Variants in URB1 observed in about 807,000 individuals in gnomAD.
URB1 encodes URB1 ribosome biogenesis factor.
URB1 carries 197 observed loss-of-function variants against 242.3 expected under a neutral mutation model. That is an observed-to-expected ratio of 0.81 (90% CI 0.72 to 0.91). The LOEUF is 0.91. URB1 is among the 40% of genes least tolerant of loss of function. The pLI, the probability that URB1 is intolerant of heterozygous loss-of-function variation, is 0.00. For synonymous variants in URB1, 1,153 were observed against 1,201.8 expected (o/e 0.96, Z 0.84); for missense variants, 2,721 against 2,860.5 (o/e 0.95, Z 1.11).
chr21:32,385,764 CCCT>C, intron 1 of URB1, 80 bp from the exon 2 acceptor site: 3 of 1,515,098 alleles, frequency 2.0e-6, no homozygotes, highest in Non-Finnish European at 2.7e-6. Context: ...AACCTGCTTT[CCCT>C]ATTCTGTGAC....
rs766888968 is a variant in URB1 at position 32,372,622 on chromosome 21, C to T, written c.886G>A (p.Glu296Lys). The change falls in exon 8 of 39, where the codon GAA becomes AAA. Residue 296 changes from glutamate (E) to lysine (K), a missense_variant. Transcript: ENST00000382751. ...VNPENVKVSA[E>K]EAGKTMVREL... The stretch of plus-strand genomic sequence containing the variant: ...CGCACCATGGTTTTCCCTGCTTCTT[C>T]GGCAGAAACCTATGAAGATTTTTTA... 46 of 1,549,218 alleles carry T rather than the reference C, an allele frequency of 3.0e-5. No individual in the cohort carries two copies. The highest frequency in any genetic ancestry group is 1.7e-4 in the Middle Eastern group (1 of 5,986).
Position 32,361,869 on chromosome 21 carries a change from C to A in URB1, c.1639+23G>T, listed in dbSNP as rs185063355. ...CTGTCCCATGCAAAAGGCAGAGGGTCCCCCTCACCCCTGAGACCTTACCGC... is the reference window on the plus strand; with the variant it reads ...CTGTCCCATGCAAAAGGCAGAGGGTACCCCTCACCCCTGAGACCTTACCGC... On this transcript the variant is annotated intron_variant, in intron 12 of 38. Coordinates refer to ENST00000382751, the MANE Select transcript of URB1 (RefSeq NM_014825.3). 21 of 1,548,652 alleles carry A rather than the reference C, an allele frequency of 1.4e-5. No homozygotes were observed. In the African/African-American group the frequency reaches 2.3e-4, roughly 17 times the overall value.
intron 11 of URB1, 36 bp from the exon 12 acceptor site, chr21:32,362,057 T>C (rs1255819969): frequency 1.3e-6 from 2 of 1,547,736 alleles, no homozygotes; most frequent in Non-Finnish European, 1.7e-6. Context: ...TTAGTTGTAG[T>C]CAACCACAAA....
chr21:32,346,737 T>C (rs1046380280), intron 22 of URB1, among the ~76,000 whole-genome samples: 15 of 152,072 alleles, frequency 9.9e-5, no homozygotes, highest in African/African-American at 3.6e-4. Flanking sequence ...TGGGGCACAA[T>C]GGGCTGTGCC....
chr21:32,388,562 C>T (rs148561389), intron 1 of URB1, among the ~76,000 whole-genome samples: 2 of 152,192 alleles, frequency 1.3e-5, no homozygotes, highest in African/African-American at 2.4e-5. Context: ...CCATTGCTGC[C>T]GTCTGCAGCG....
chr21:32,384,482 A>T lies in URB1; in HGVS notation c.283-18T>A, dbSNP rs969787876. The T allele has an allele frequency of 1.9e-6, 3 of 1,546,292 alleles. No individual in the cohort carries two copies. Among genetic ancestry groups the T allele is most frequent in the Admixed American group, 2.0e-5 (1 of 50,822 alleles). Reference sequence around the variant, plus strand: ...AACATCGTCTGCAAAGACAGAATTGAAACGCTTAGAAATCGTCTCATTTCC... The same window carrying T: ...AACATCGTCTGCAAAGACAGAATTGTAACGCTTAGAAATCGTCTCATTTCC... On this transcript the variant is annotated intron_variant, in intron 2 of 38. Coordinates refer to ENST00000382751, the MANE Select transcript of URB1 (RefSeq NM_014825.3).
chr21:32,324,884 G>C (rs2032811130), intron 31 of URB1, among the ~76,000 whole-genome samples: 1 of 152,094 alleles, frequency 6.6e-6, no homozygotes, highest in African/African-American at 2.4e-5. Flanking sequence ...AGCACCATGG[G>C]GTACAGGTTT....
intron 31 of URB1, 124 bp from the exon 32 acceptor site, chr21:32,324,726 C>G: frequency 1.5e-6 from 1 of 676,818 alleles, no homozygotes; most frequent in African/African-American, 1.8e-5. Flanking sequence ...CCAGGGGCCA[C>G]TGAAGACGAA....
rs2033065072 is a variant in URB1 at position 32,344,640 on chromosome 21, C to T, written c.4187G>A (p.Gly1396Asp). ...CVKWLIVSFS[G>D]GQQDDDNTQN... ...AGTATTATCATCATCTTGCTGTCCA[C>T]CACTGAAAGACACGATCAGCCACTT... Residue 1396 changes from glycine (G) to aspartate (D), a missense_variant, in exon 24 of 39, where the codon GGT (glycine) becomes GAT (aspartate). Transcript: ENST00000382751. The T allele has an allele frequency of 6.4e-7, 1 of 1,552,248 alleles. No homozygotes were observed. Among genetic ancestry groups the T allele is most frequent in the East Asian group, 2.4e-5 (1 of 40,940 alleles).
intron 24 of URB1, among the ~76,000 whole-genome samples, chr21:32,341,742 C>G: frequency 6.6e-6 from 1 of 151,142 alleles, no homozygotes; most frequent in Non-Finnish European, 1.5e-5. Flanking sequence ...TCTGGACTCT[C>G]TGTGCAATGA....
chr21:32,369,791 A>G (rs1199070686), intron 8 of URB1, among the ~76,000 whole-genome samples: 1 of 152,138 alleles, frequency 6.6e-6, no homozygotes, highest in East Asian at 1.9e-4. Context: ...CATTTAGCAG[A>G]TGAAAGAAGC....
intron 20 of URB1, 141 bp downstream of exon 20, chr21:32,350,563 C>T: frequency 1.0e-6 from 1 of 989,320 alleles, no homozygotes; most frequent in South Asian, 1.6e-5. Flanking sequence ...CAGCTGAGGT[C>T]TGGACAGAAC....
In URB1 at chr21:32,347,218, G is replaced by C. The variant is rs772808391; in HGVS notation, c.3606C>G (p.His1202Gln). ...CCAGCACAGGGTCTCTCTGCAGAGT[G>C]TGGAGGAGCACTGTGTCCAGCTCGT... ...AVDELDTVLL[H>Q]TLQRDPVLAP... The change falls in exon 22 of 39, where the codon CAC (histidine) becomes CAG (glutamine). Residue 1202 changes from histidine to glutamine, a missense_variant. Coordinates refer to ENST00000382751, the MANE Select transcript of URB1 (RefSeq NM_014825.3). 6.4e-7 allele frequency: 1 copy of C among 1,550,524 alleles called. No individual in the cohort carries two copies. The highest frequency in any genetic ancestry group is 2.0e-5 in the Admixed American group (1 of 50,994).
chr21:32,367,480 T>C (rs762752704), intron 9 of URB1, among the ~76,000 whole-genome samples: 6 of 152,198 alleles, frequency 3.9e-5, no homozygotes, highest in Non-Finnish European at 7.3e-5. Context: ...TTATAGATAA[T>C]GCCAGGCCCA....
intron 12 of URB1, 80 bp from the exon 13 acceptor site, chr21:32,361,203 G>GAAAGAAAGAAAGAAAGAAAGAAAC: frequency 2.1e-6 from 2 of 936,396 alleles, no homozygotes; most frequent in Non-Finnish European, 1.5e-6. Flanking sequence ...AAGAAAGAAA[G>GAAAGAAAGAAAGAAAGAAAGAAAC]AAAATAGCTT....
chr21:32,392,497 A>T (rs2033650904), intron 1 of URB1, among the ~76,000 whole-genome samples: 1 of 152,202 alleles, frequency 6.6e-6, no homozygotes, highest in Non-Finnish European at 1.5e-5. Context: ...GAGGTTTTAG[A>T]GCTCGCTGAG....
chr21:32,392,885 G>T lies in URB1; in HGVS notation c.26C>A (p.Ser9Ter), dbSNP rs1220029913. Residue 9 changes from serine (S) to a stop codon, truncating the protein, a stop_gained, in exon 1 of 39, where the codon TCG (serine) becomes TAG (stop). Coordinates refer to ENST00000382751, the MANE Select transcript of URB1 (RefSeq NM_014825.3). LOFTEE classifies it high-confidence loss of function. ...GGAAGCCGCGCCGTCCTGGCCGCCC[G>T]AGGCCTTCCTCTTGGGGACCCCCAT... MGVPKRKA[S>*]GGQDGAASSA... 1 of 1,529,356 alleles carries T rather than the reference G, an allele frequency of 6.5e-7. No homozygotes were observed. Among genetic ancestry groups the T allele is most frequent in the Middle Eastern group, 1.7e-4 (1 of 5,854 alleles). 94.7% of individuals were successfully genotyped at this position (1,529,356 alleles called of 1,614,324 possible).
intron 35 of URB1, among the ~76,000 whole-genome samples, chr21:32,319,758 T>TC (rs535691996): frequency 7.9e-5 from 12 of 152,224 alleles, no homozygotes; most frequent in Non-Finnish European, 1.8e-4. Flanking sequence ...GAAGTTGATG[T>TC]CCAAATACAC....
chr21:32,360,386 C>T (rs1770892434), intron 13 of URB1, among the ~76,000 whole-genome samples: 1 of 152,218 alleles, frequency 6.6e-6, no homozygotes, highest in Non-Finnish European at 1.5e-5. Flanking sequence ...TTTCATATTT[C>T]CACAGCAAAG....
Sources: gnomAD v4.1 joint callset for allele counts (sites outside exome capture counted in the v4.1 genomes callset) on GRCh38, gnomAD v4.1.1 for gene constraint, MANE v1.5 for transcripts, NCBI Gene and HGNC (gene_info 2026-07-23, HGNC 2026-07-21) for gene names.